CCDC85A: variants seen among roughly 807,000 people sequenced by gnomAD.
CCDC85A encodes the protein coiled-coil domain containing 85A.
A neutral mutation model predicts 50.2 loss-of-function variants in CCDC85A; 38 were observed. That is an observed-to-expected ratio of 0.76 (90% CI 0.58 to 0.99). The LOEUF (loss-of-function observed/expected upper bound fraction) is 0.99. Ranked by LOEUF, CCDC85A falls within the 50% of genes least tolerant of loss-of-function variation. The pLI, the probability that CCDC85A is intolerant of heterozygous loss-of-function variation, is 0.00. For missense variants in CCDC85A, 820 were observed against 742.0 expected, an observed-to-expected ratio of 1.11 and a Z score of -1.22; for synonymous variants, 366 against 301.4, an observed-to-expected ratio of 1.21 and a Z score of -2.22.
chr2:56,195,543 A>G (rs1028255986), intron 2 of CCDC85A, among the ~76,000 whole-genome samples: 1 of 152,244 alleles, frequency 6.6e-6, no homozygotes, highest in African/African-American at 2.4e-5. Flanking sequence ...TGGAAAATGA[A>G]GTGGCACAAT....
At chr2:56,369,519 C>G (rs17047851) in intron 3 of CCDC85A, among the ~76,000 whole-genome samples, 35,381 of 152,006 alleles carry the variant, frequency 0.23, 4,682 homozygotes, top group African/African-American at 0.36. Flanking sequence ...ATGCAAATGT[C>G]CATATGTGAA....
intron 2 of CCDC85A, among the ~76,000 whole-genome samples, chr2:56,308,774 C>A (rs1453470222): frequency 1.3e-5 from 2 of 152,302 alleles, no homozygotes; most frequent in East Asian, 3.9e-4. Context: ...GCTGCATACA[C>A]TTTCTCATTG....
chr2:56,372,528 G>T, intron 4 of CCDC85A, 50 bp downstream of exon 4: 2 of 1,459,296 alleles, frequency 1.4e-6, no homozygotes, highest in South Asian at 1.5e-5. Flanking sequence ...ATAACCAGAT[G>T]ACTTCTGTTG....
chr2:56,196,063 A>G lies in CCDC85A; in HGVS notation c.1240+2623A>G, dbSNP rs533699105. Among the ~76,000 whole-genome samples the G allele has an allele frequency of 2.0e-5, 3 of 152,322 alleles. No homozygotes were observed. In the South Asian group the frequency reaches 6.2e-4, roughly 32 times the overall value. ...GTGCTTATAATTACAAACTCAGTGGATGAAATATTGAACTCATTCAAGAGT... is the reference window on the plus strand; with the variant it reads ...GTGCTTATAATTACAAACTCAGTGGGTGAAATATTGAACTCATTCAAGAGT... On this transcript the variant is annotated intron_variant, in intron 2 of 5. Transcript: ENST00000407595.
At chr2:56,194,341 G>GA (rs1418874241) in intron 2 of CCDC85A, among the ~76,000 whole-genome samples, 1 of 152,056 alleles carries the variant, frequency 6.6e-6, no homozygotes, top group African/African-American at 2.4e-5. Flanking sequence ...ACTTGAGAGA[G>GA]AAAAAATCAT....
chr2:56,230,849 T>C (rs1668744527), intron 2 of CCDC85A, among the ~76,000 whole-genome samples: 1 of 152,212 alleles, frequency 6.6e-6, no homozygotes, highest in African/African-American at 2.4e-5. Flanking sequence ...TGGAAGGGTC[T>C]AGTAGGTGAA....
intron 2 of CCDC85A, among the ~76,000 whole-genome samples, chr2:56,234,679 G>A (rs1279979088): frequency 6.6e-6 from 1 of 150,478 alleles, no homozygotes; most frequent in Non-Finnish European, 1.5e-5. Flanking sequence ...CCTTTCAAAT[G>A]TGCATGTTCT....
chr2:56,372,566 G>A, intron 4 of CCDC85A, 88 bp downstream of exon 4: 2 of 1,341,136 alleles, frequency 1.5e-6, no homozygotes, highest in Non-Finnish European at 2.0e-6. Context: ...CTGGGGGGTA[G>A]AAAACAAGTT....
At chr2:56,355,969 A>G (rs1675204185) in intron 3 of CCDC85A, among the ~76,000 whole-genome samples, 1 of 152,238 alleles carries the variant, frequency 6.6e-6, no homozygotes, top group African/African-American at 2.4e-5. Context: ...AGGCTTTTTA[A>G]TAGCCAAGCT....
intron 2 of CCDC85A, among the ~76,000 whole-genome samples, chr2:56,335,311 A>G (rs998316471): frequency 1.3e-5 from 2 of 152,196 alleles, no homozygotes; most frequent in Non-Finnish European, 1.5e-5. Context: ...TGGGATTCAT[A>G]TGGAATGAGT....
chr2:56,187,221 T>A (rs1442038492), intron 1 of CCDC85A, among the ~76,000 whole-genome samples: 1 of 152,164 alleles, frequency 6.6e-6, no homozygotes, highest in East Asian at 1.9e-4. Flanking sequence ...TGGGGGAGCG[T>A]CTGAGGGCTT....
intron 2 of CCDC85A, among the ~76,000 whole-genome samples, chr2:56,300,283 A>T (rs543429288): frequency 1.3e-5 from 2 of 152,236 alleles, no homozygotes. Flanking sequence ...ACCATGTATC[A>T]TGCAAAGTAG....
At chr2:56,322,965 TA>T (rs534378943) in intron 2 of CCDC85A, among the ~76,000 whole-genome samples, 158 of 152,208 alleles carry the variant, frequency 1.0e-3, no homozygotes, top group African/African-American at 3.3e-3. Flanking sequence ...TATGCAGCCA[TA>T]AAAAAGGATG....
chr2:56,367,576 C>T (rs989732245), intron 3 of CCDC85A, among the ~76,000 whole-genome samples: 2 of 152,138 alleles, frequency 1.3e-5, no homozygotes, highest in African/African-American at 4.8e-5. Context: ...CTGTCCAGTG[C>T]ATTTTAAGAT....
At chr2:56,236,749 C>A (rs1235181435) in intron 2 of CCDC85A, among the ~76,000 whole-genome samples, 1 of 152,114 alleles carries the variant, frequency 6.6e-6, no homozygotes, top group Non-Finnish European at 1.5e-5. Flanking sequence ...CCTGCATGGT[C>A]CTTTTTTCTT....
intron 2 of CCDC85A, among the ~76,000 whole-genome samples, chr2:56,262,823 A>G (rs190600085): frequency 1.2e-3 from 180 of 152,352 alleles, no homozygotes; most frequent in Non-Finnish European, 2.1e-3. Context: ...CAGTTCACAT[A>G]TAGAAAATAC....
At chr2:56,333,038 T>C (rs1673891874) in intron 2 of CCDC85A, among the ~76,000 whole-genome samples, 1 of 152,202 alleles carries the variant, frequency 6.6e-6, no homozygotes, top group Non-Finnish European at 1.5e-5. Context: ...TCAGTTAACA[T>C]GATAGACAAT....
chr2:56,274,122 T>C (rs1384008161), intron 2 of CCDC85A, among the ~76,000 whole-genome samples: 1 of 152,130 alleles, frequency 6.6e-6, no homozygotes, highest in Non-Finnish European at 1.5e-5. Flanking sequence ...ACCCAACCCT[T>C]GTAGATCATT....
intron 2 of CCDC85A, among the ~76,000 whole-genome samples, chr2:56,209,280 T>G (rs1417102788): frequency 6.6e-6 from 1 of 152,176 alleles, no homozygotes; most frequent in Non-Finnish European, 1.5e-5. Context: ...GAGTCTCATG[T>G]GACTTCTTTT....
Sources: gnomAD v4.1 joint callset for allele counts (sites outside exome capture counted in the v4.1 genomes callset) on GRCh38, gnomAD v4.1.1 for gene constraint, MANE v1.5 for transcripts, NCBI Gene and HGNC (gene_info 2026-07-23, HGNC 2026-07-21) for gene names.